KHDRBS2: variants seen among roughly 807,000 people sequenced by gnomAD.
The protein encoded by KHDRBS2 is KH domain-containing, RNA-binding, signal transduction-associated protein 2.
A neutral mutation model predicts 44.3 loss-of-function variants in KHDRBS2; 26 were observed. The observed-to-expected ratio is 0.59, with a 90% CI of 0.43 to 0.81. KHDRBS2 has a LOEUF of 0.81. Ranked by LOEUF, KHDRBS2 falls within the 40% of genes least tolerant of loss-of-function variation. The probability of loss-of-function intolerance (pLI) is 0.00; values close to 1 mark genes in which losing one functional copy is unlikely to be tolerated. For missense variants in KHDRBS2, 476 were observed against 433.1 expected (o/e 1.10, Z -0.88); for synonymous variants, 194 against 151.1 (o/e 1.28, Z -2.08).
chr6:62,201,320 G>T (rs1229607186), intron 1 of KHDRBS2, among the ~76,000 whole-genome samples: 1 of 151,984 alleles, frequency 6.6e-6, no homozygotes, highest in East Asian at 1.9e-4. Context: ...GAACAGAAAA[G>T]GTATAGTTAG....
chr6:61,716,541 C>A (rs1182024093), intron 7 of KHDRBS2, among the ~76,000 whole-genome samples: 4 of 151,908 alleles, frequency 2.6e-5, no homozygotes, highest in African/African-American at 7.2e-5. Flanking sequence ...AGATAACAAG[C>A]ATTACTGACC....
chr6:62,004,608 T>C (rs1778884043), intron 3 of KHDRBS2, among the ~76,000 whole-genome samples: 1 of 152,158 alleles, frequency 6.6e-6, no homozygotes, highest in Non-Finnish European at 1.5e-5. Context: ...CCATTCCTTC[T>C]GAAACTGTTC....
At chr6:61,831,968 T>C (rs1286105176) in intron 6 of KHDRBS2, among the ~76,000 whole-genome samples, 4 of 152,178 alleles carry the variant, frequency 2.6e-5, no homozygotes, top group Non-Finnish European at 5.9e-5. Context: ...TTTCCTGGTG[T>C]GGTGGATCAT....
At chr6:61,971,023 A>G (rs1470828206) in intron 4 of KHDRBS2, among the ~76,000 whole-genome samples, 2 of 152,114 alleles carry the variant, frequency 1.3e-5, no homozygotes, top group Non-Finnish European at 2.9e-5. Context: ...GGAGTAGAAA[A>G]CTATGTTATT....
chr6:62,144,287 T>G (rs1813469983), intron 2 of KHDRBS2, among the ~76,000 whole-genome samples: 1 of 151,992 alleles, frequency 6.6e-6, no homozygotes, highest in Non-Finnish European at 1.5e-5. Context: ...ACATTTTTCC[T>G]GTTTTAGATG....
intron 2 of KHDRBS2, among the ~76,000 whole-genome samples, chr6:62,115,616 C>A (rs143412339): frequency 1.3e-5 from 2 of 152,080 alleles, no homozygotes; most frequent in African/African-American, 4.8e-5. Context: ...GCTTGCTTTC[C>A]GCAAATGATT....
chr6:61,597,909 T>A, the KHDRBS2 span, among the ~76,000 whole-genome samples: 1 of 134,332 alleles, frequency 7.4e-6, no homozygotes, highest in African/African-American at 2.8e-5. Context: ...AGAGGTTTTT[T>A]TTGTGTTTTT....
chr6:61,850,137 C>T lies in KHDRBS2; in HGVS notation c.810+44498G>A, dbSNP rs73478903. On this transcript the variant is annotated intron_variant, in intron 6 of 8. Transcript: ENST00000281156. ...GATTACCTTTCAGAGCTTCAATCTC[C>T]TACAAGGTAGAATGGAGATTTCAAA... Among the ~76,000 whole-genome samples the T allele has an allele frequency of 1.7e-3, 258 of 152,146 alleles. 1 individual carries two copies. The highest frequency in any genetic ancestry group is 5.9e-3 in the African/African-American group (245 of 41,528).
chr6:62,149,383 T>A (rs764052142), intron 2 of KHDRBS2, among the ~76,000 whole-genome samples: 1 of 152,048 alleles, frequency 6.6e-6, no homozygotes, highest in Non-Finnish European at 1.5e-5. Context: ...GTCTTTGAGA[T>A]CCTATGAGGA....
intron 8 of KHDRBS2, among the ~76,000 whole-genome samples, chr6:61,683,736 T>C (rs1276710756): frequency 6.6e-6 from 1 of 151,882 alleles, no homozygotes; most frequent in East Asian, 1.9e-4. Flanking sequence ...AGTACAAAAG[T>C]ATCATATTTC....
intron 2 of KHDRBS2, among the ~76,000 whole-genome samples, chr6:62,086,018 C>A (rs1798309855): frequency 6.6e-6 from 1 of 152,034 alleles, no homozygotes; most frequent in Non-Finnish European, 1.5e-5. Flanking sequence ...TATGGAGAAT[C>A]TGAAAGGGTG....
At chr6:61,650,685 A>T in the KHDRBS2 span, among the ~76,000 whole-genome samples, 89,619 of 151,654 alleles carry the variant, frequency 0.59, 26,699 homozygotes, top group African/African-American at 0.61. Context: ...CACATTTGAA[A>T]ATCATAGAGT....
At chr6:62,172,766 T>C (rs1302277659) in intron 2 of KHDRBS2, among the ~76,000 whole-genome samples, 2 of 108,758 alleles carry the variant, frequency 1.8e-5, no homozygotes, top group Admixed American at 9.9e-5. Context: ...ACAATAAAAA[T>C]ACATATCAAT....
chr6:61,903,945 T>C (rs1804514312), intron 4 of KHDRBS2, among the ~76,000 whole-genome samples: 1 of 152,138 alleles, frequency 6.6e-6, no homozygotes. Context: ...GCTGGTGCAG[T>C]CAGAAAAATC....
chr6:61,940,490 G>C (rs1811932177), intron 4 of KHDRBS2, among the ~76,000 whole-genome samples: 1 of 152,152 alleles, frequency 6.6e-6, no homozygotes, highest in African/African-American at 2.4e-5. Flanking sequence ...GAGGGTGGTT[G>C]TGCTGGGTCC....
At chr6:61,666,283 T>TATAA in the KHDRBS2 span, among the ~76,000 whole-genome samples, 1 of 128,418 alleles carries the variant, frequency 7.8e-6, no homozygotes, top group South Asian at 2.4e-4. Flanking sequence ...AATTTAGCTT[T>TATAA]ATAAATAAAT....
chr6:61,692,404 A>G (rs1423299867), intron 8 of KHDRBS2, among the ~76,000 whole-genome samples: 1 of 151,788 alleles, frequency 6.6e-6, no homozygotes, highest in Non-Finnish European at 1.5e-5. Flanking sequence ...TAAGATAATT[A>G]TATGTTAATA....
At chr6:61,711,172 T>G (rs1399968361) in intron 7 of KHDRBS2, among the ~76,000 whole-genome samples, 1 of 151,678 alleles carries the variant, frequency 6.6e-6, no homozygotes, top group African/African-American at 2.4e-5. Context: ...GTAAGCTGAC[T>G]GACAGTACAG....
intron 8 of KHDRBS2, among the ~76,000 whole-genome samples, chr6:61,691,988 A>C (rs1331090687): frequency 6.6e-6 from 1 of 152,146 alleles, no homozygotes; most frequent in Non-Finnish European, 1.5e-5. Context: ...GAATGGATGC[A>C]TAATTAACTC....
Sources: allele counts gnomAD v4.1 joint callset (sites outside exome capture counted in the v4.1 genomes callset), GRCh38; gene constraint gnomAD v4.1.1; transcripts MANE v1.5; gene names NCBI Gene and HGNC (gene_info 2026-07-23, HGNC 2026-07-21).